Variants in CRK observed in about 807,000 individuals in gnomAD.
CRK encodes the protein CRK proto-oncogene, adaptor protein.
In CRK, 4 loss-of-function variants were observed where a neutral mutation model predicts 29.8. The observed-to-expected ratio is 0.13, with a 90% CI of 0.07 to 0.31. The LOEUF (loss-of-function observed/expected upper bound fraction) is 0.31, where lower values mean the gene tolerates loss of function less well. CRK is among the 10% of genes least tolerant of loss of function. CRK has a pLI of 1.00. For synonymous variants in CRK, 153 were observed against 164.9 expected (o/e 0.93, Z 0.55); for missense variants, 274 against 396.5 (o/e 0.69, Z 2.62).
At chr17:1,436,054 T>C (rs2073883947) in intron 2 of CRK, among the ~76,000 whole-genome samples, 1 of 152,166 alleles carries the variant, frequency 6.6e-6, no homozygotes, top group Non-Finnish European at 1.5e-5. Context: ...TTGAATGATT[T>C]AGAAAGACCC....
chr17:1,430,293 C>T lies in CRK; in HGVS notation c.777+6327G>A, dbSNP rs898528032. ...TCCTGACCTCAGGTGAAGAGTTCAC[C>T]CACCTCGACCTCCCAAAGTGCTGGG... On this transcript the variant is annotated intron_variant, in intron 2 of 2. Transcript: ENST00000300574. Among the ~76,000 whole-genome samples, 28 of 150,836 alleles carry T rather than the reference C, an allele frequency of 1.9e-4. 1 individual carries two copies. Among genetic ancestry groups the T allele is most frequent in the Admixed American group, 6.6e-5 (1 of 15,172 alleles).
chr17:1,454,267 G>A (rs112438472), intron 1 of CRK, among the ~76,000 whole-genome samples: 1 of 152,078 alleles, frequency 6.6e-6, no homozygotes, highest in African/African-American at 2.4e-5. Flanking sequence ...TTGGCCAGGC[G>A]CGGTGGCTCT....
chr17:1,429,615 CTCTG>C (rs1273998473), intron 2 of CRK, among the ~76,000 whole-genome samples: 1 of 121,700 alleles, frequency 8.2e-6, no homozygotes, highest in East Asian at 2.1e-4. Flanking sequence ...CACAGTGAAA[CTCTG>C]TCTCTCTTAA....
intron 2 of CRK, among the ~76,000 whole-genome samples, chr17:1,430,450 G>T (rs924703339): frequency 1.3e-5 from 2 of 151,354 alleles, no homozygotes; most frequent in South Asian, 2.1e-4. Context: ...TCCGCCTCCC[G>T]GGTTCACGCC....
At chr17:1,428,004 G>C (rs964660331) in intron 2 of CRK, among the ~76,000 whole-genome samples, 2 of 151,964 alleles carry the variant, frequency 1.3e-5, no homozygotes, top group Non-Finnish European at 2.9e-5. Flanking sequence ...AAGAGGTGAA[G>C]GGTAGGTTGA....
intron 1 of CRK, among the ~76,000 whole-genome samples, chr17:1,446,291 G>A (rs1344969414): frequency 4.6e-5 from 7 of 152,076 alleles, no homozygotes; most frequent in African/African-American, 7.2e-5. Flanking sequence ...TTGGAATAAC[G>A]CACTGTGTCC....
intron 1 of CRK, among the ~76,000 whole-genome samples, chr17:1,451,910 G>C (rs2074021357): frequency 6.6e-6 from 1 of 152,172 alleles, no homozygotes; most frequent in African/African-American, 2.4e-5. Context: ...ACTTGAACCT[G>C]GGAAGCAGAG....
chr17:1,454,606 A>C (rs949985765), intron 1 of CRK, among the ~76,000 whole-genome samples: 6 of 152,244 alleles, frequency 3.9e-5, no homozygotes, highest in Non-Finnish European at 7.3e-5. Context: ...AATCTAAATT[A>C]GAACTATTCT....
chr17:1,432,476 TAAAAAAAAAAA>T (rs59669841), intron 2 of CRK, among the ~76,000 whole-genome samples: 2 of 100,960 alleles, frequency 2.0e-5, no homozygotes, highest in Non-Finnish European at 3.8e-5. Flanking sequence ...GACCTTGTCT[TAAAAAAAAAAA>T]AAAAAAAAGG....
At chr17:1,432,237 C>G (rs1249392962) in intron 2 of CRK, among the ~76,000 whole-genome samples, 1 of 152,044 alleles carries the variant, frequency 6.6e-6, no homozygotes, top group Non-Finnish European at 1.5e-5. Context: ...GCCTATAATC[C>G]CAGCACTTTG....
Position 1,422,093 on chromosome 17 carries a change from A to G in CRK, c.*1420T>C, listed in dbSNP as rs1314073447. ...CAATGTAATGTTCTTCAACAGCATTACTCTCCCCATGAGAAATGAATAATA... is the reference window on the plus strand; with the variant it reads ...CAATGTAATGTTCTTCAACAGCATTGCTCTCCCCATGAGAAATGAATAATA... On this transcript the variant is annotated 3_prime_UTR_variant, in exon 3 of 3. Coordinates refer to ENST00000300574, the MANE Select transcript of CRK (RefSeq NM_016823.4). 1 of 150,996 alleles carries G rather than the reference A, an allele frequency of 6.6e-6. No individual in the cohort carries two copies. Among genetic ancestry groups the G allele is most frequent in the African/African-American group, 2.4e-5 (1 of 40,980 alleles). The allele number at this position is 150,996 out of a possible 1,614,324, so 9.4% of individuals were successfully genotyped here.
intron 2 of CRK, among the ~76,000 whole-genome samples, chr17:1,429,053 G>A (rs868709673): frequency 6.6e-6 from 1 of 151,914 alleles, no homozygotes; most frequent in Middle Eastern, 3.4e-3. Flanking sequence ...TCACCATGTT[G>A]GCCAGGCTGG....
chr17:1,427,854 C>T lies in CRK; in HGVS notation c.778-4204G>A, dbSNP rs559036305. Among the ~76,000 whole-genome samples the T allele has an allele frequency of 7.2e-5, 11 of 151,880 alleles. No individual in the cohort carries two copies. In the East Asian group the frequency reaches 9.9e-4, roughly 14 times the overall value. On this transcript the variant is annotated intron_variant, in intron 2 of 2. Transcript: ENST00000300574. ...CTCACCATGCTGGGCAGGCTTGTCT[C>T]GAACTCCTGACCTCATGACCCGCCC...
At chr17:1,432,739 T>A (rs1205038390) in intron 2 of CRK, among the ~76,000 whole-genome samples, 34 of 146,478 alleles carry the variant, frequency 2.3e-4, no homozygotes, top group African/African-American at 8.7e-4. Flanking sequence ...ATCACGCCAC[T>A]GCACTCCAGC....
intron 2 of CRK, among the ~76,000 whole-genome samples, chr17:1,428,569 G>C (rs1032647318): frequency 7.3e-6 from 1 of 136,868 alleles, no homozygotes; most frequent in Non-Finnish European, 1.5e-5. Context: ...TGTTGCCCTG[G>C]CTAGAGTACA....
chr17:1,421,323 T>A lies in CRK; in HGVS notation c.*2190A>T, dbSNP rs1254487508. On this transcript the variant is annotated 3_prime_UTR_variant, in exon 3 of 3. Coordinates refer to ENST00000300574, the MANE Select transcript of CRK (RefSeq NM_016823.4). ...AAAATAGGAACATTCAAATCAGTTG[T>A]GACAAGGTTTTTCTACAAGTATTTT... The A allele has an allele frequency of 6.6e-6, 1 of 152,224 alleles. No homozygotes were observed. Among genetic ancestry groups the A allele is most frequent in the Non-Finnish European group, 1.5e-5 (1 of 68,046 alleles). The allele number at this position is 152,224 out of a possible 1,614,324, so 9.4% of individuals were successfully genotyped here.
intron 1 of CRK, among the ~76,000 whole-genome samples, chr17:1,453,995 G>A (rs188708806): frequency 1.8e-4 from 28 of 152,242 alleles, no homozygotes; most frequent in Middle Eastern, 6.8e-3. Flanking sequence ...GAGATCAGGA[G>A]TTCAAGACCA....
intron 1 of CRK, among the ~76,000 whole-genome samples, chr17:1,450,340 T>C (rs2074007611): frequency 6.6e-6 from 1 of 151,700 alleles, no homozygotes; most frequent in Non-Finnish European, 1.5e-5. Context: ...AACACCTCTC[T>C]ACTAAAAATA....
chr17:1,437,279 G>A (rs986781248), intron 1 of CRK, 124 bp from the exon 2 acceptor site: 15 of 1,045,058 alleles, frequency 1.4e-5, no homozygotes, highest in South Asian at 3.8e-5. Flanking sequence ...CTTGACCTCC[G>A]GGGCTCAAGT....
Sources: gnomAD v4.1 joint callset for allele counts (sites outside exome capture counted in the v4.1 genomes callset) on GRCh38, gnomAD v4.1.1 for gene constraint, MANE v1.5 for transcripts, NCBI Gene and HGNC (gene_info 2026-07-23, HGNC 2026-07-21) for gene names.